IGSF21: variants seen among roughly 807,000 people sequenced by gnomAD.
IGSF21 encodes immunoglobin superfamily member 21.
Under a neutral mutation model 46.8 loss-of-function variants are expected in IGSF21, and 28 were observed. The ratio of observed to expected loss-of-function variants is 0.60; its 90% CI spans 0.44 to 0.82. The LOEUF (loss-of-function observed/expected upper bound fraction) is 0.82, where lower values mean the gene tolerates loss of function less well. Ranked by LOEUF, IGSF21 falls within the 40% of genes least tolerant of loss-of-function variation. IGSF21 has a pLI of 0.00. For synonymous variants in IGSF21, 284 were observed against 273.6 expected (o/e 1.04, Z -0.38); for missense variants, 624 against 665.5 (o/e 0.94, Z 0.69).
intron 3 of IGSF21, among the ~76,000 whole-genome samples, chr1:18,306,723 C>G (rs1291547932): frequency 6.6e-6 from 1 of 152,226 alleles, no homozygotes; most frequent in African/African-American, 2.4e-5. Flanking sequence ...TAGTCCTGAT[C>G]CTGTGACAGA....
At chr1:18,331,784 G>A (rs1473681153) in intron 3 of IGSF21, among the ~76,000 whole-genome samples, 1 of 152,066 alleles carries the variant, frequency 6.6e-6, no homozygotes, top group Non-Finnish European at 1.5e-5. Context: ...GCTGACTGTG[G>A]AGATGGAGGG....
At chr1:18,193,395 A>G (rs2086976767) in intron 1 of IGSF21, among the ~76,000 whole-genome samples, 1 of 150,448 alleles carries the variant, frequency 6.6e-6, no homozygotes, top group Non-Finnish European at 1.5e-5. Flanking sequence ...GAATTAATGG[A>G]ATATATATAT....
intron 4 of IGSF21, among the ~76,000 whole-genome samples, chr1:18,341,064 T>TC (rs2085833522): frequency 1.6e-5 from 1 of 61,656 alleles, no homozygotes; most frequent in Non-Finnish European, 4.0e-5. Flanking sequence ...TTCCTCTTCT[T>TC]CTTCTTCTTC....
At chr1:18,116,599 C>G (rs1002142655) in intron 1 of IGSF21, among the ~76,000 whole-genome samples, 3 of 152,148 alleles carry the variant, frequency 2.0e-5, no homozygotes, top group Admixed American at 2.0e-4. Context: ...CTGCTTTGGG[C>G]GAGAAGTCCA....
intron 1 of IGSF21, chr1:18,179,136 C>G (rs1380573986): frequency 6.6e-6 from 1 of 152,222 alleles, no homozygotes; most frequent in Non-Finnish European, 1.5e-5. Context: ...TACGGAGCCA[C>G]CGACCATTGG....
intron 1 of IGSF21, among the ~76,000 whole-genome samples, chr1:18,121,049 C>G (rs1343905895): frequency 6.6e-6 from 1 of 152,178 alleles, no homozygotes; most frequent in Non-Finnish European, 1.5e-5. Flanking sequence ...ACCATCCCCA[C>G]TGGCTCCTAT....
In IGSF21 at chr1:18,367,603, C is replaced by CTTTTTTTTT. The variant is rs35019096; in HGVS notation, c.1015+1920_1015+1928dup. Reference sequence around the variant, plus strand: ...GACCTTTGATATTCTCTCTCTCTCTCTTTTTTTTTTTTTTTTTTTTTTGAC... The same window carrying CTTTTTTTTT: ...GACCTTTGATATTCTCTCTCTCTCTCTTTTTTTTTTTTTTTTTTTTTTTTTTTTTTTGAC... On this transcript the variant is annotated intron_variant, in intron 6 of 9. Transcript: ENST00000251296. 1.9e-4 allele frequency among the ~76,000 whole-genome samples: 14 copies of CTTTTTTTTT among 73,964 alleles called. 1 individual carries two copies. The highest frequency in any genetic ancestry group is 6.0e-4 in the South Asian group (1 of 1,664). 48.5% of individuals were successfully genotyped at this position (73,964 alleles called of 152,430 possible).
At chr1:18,238,041 G>A (rs1410024313) in intron 2 of IGSF21, among the ~76,000 whole-genome samples, 1 of 152,094 alleles carries the variant, frequency 6.6e-6, no homozygotes, top group African/African-American at 2.4e-5. Flanking sequence ...TGCCTAATAT[G>A]TTGTGTGTGT....
chr1:18,335,402 A>G lies in IGSF21; in HGVS notation c.424+392A>G, dbSNP rs1342202532. On this transcript the variant is annotated intron_variant, in intron 4 of 9. Transcript: ENST00000251296. The surrounding 1 kb of genome is among the most constrained non-coding windows in gnomAD (Gnocchi z 4.8). ...GAGAGGGCATAGGATCTGGAGATGA[A>G]TTAGAAAGCGCTCATGGCTGGGATT... 3.3e-5 allele frequency among the ~76,000 whole-genome samples: 5 copies of G among 152,186 alleles called. No individual in the cohort carries two copies. Among genetic ancestry groups the G allele is most frequent in the African/African-American group, 4.8e-5 (2 of 41,446 alleles).
chr1:18,303,351 G>T (rs1458867294), intron 3 of IGSF21, among the ~76,000 whole-genome samples: 2 of 152,154 alleles, frequency 1.3e-5, no homozygotes, highest in Admixed American at 1.3e-4. Context: ...ACTTGCACAA[G>T]AGCTGAGAGC....
chr1:18,161,346 C>T (rs991588218), intron 1 of IGSF21, among the ~76,000 whole-genome samples: 5 of 152,056 alleles, frequency 3.3e-5, no homozygotes, highest in Non-Finnish European at 7.4e-5. Context: ...AGGTGGCTTG[C>T]GGGGATGGTG....
chr1:18,365,843 A>C lies in IGSF21; in HGVS notation c.1015+146A>C. On this transcript the variant is annotated intron_variant, in intron 6 of 9. Transcript: ENST00000251296. This position sits in a 1 kb window ranked among gnomAD's most constrained non-coding sequence, Gnocchi z 4.8. ...GAGTCAGGATGAGCACAAATGGTAG[A>C]GTCAGGTTCTTAGGGAGGTTTGCTG... is the stretch of plus-strand genomic sequence containing the variant. The C allele has an allele frequency of 1.4e-6, 1 of 693,754 alleles. No homozygotes were observed. Among genetic ancestry groups the C allele is most frequent in the East Asian group, 2.7e-5 (1 of 36,544 alleles). 43.0% of individuals were successfully genotyped at this position (693,754 alleles called of 1,614,324 possible). A position where few individuals can be genotyped will look rare whatever the true frequency, so the allele number is the denominator to read the frequency against.
At position 18,336,928 on chromosome 1, in the gene IGSF21, G is replaced by A. The variant is rs187862469; in HGVS notation, c.424+1918G>A. On this transcript the variant is annotated intron_variant, in intron 4 of 9. Coordinates refer to ENST00000251296, the MANE Select transcript of IGSF21 (RefSeq NM_032880.5). ...CTTGTGCAGGGAAACTCCCCTTTAT[G>A]AAATCATCAGATCTTGTGAGACTTA... Among the ~76,000 whole-genome samples, 724 of 152,310 alleles carry A rather than the reference G, an allele frequency of 4.8e-3. 4 individuals are homozygous for A. The highest frequency in any genetic ancestry group is 0.016 in the African/African-American group (653 of 41,568).
chr1:18,148,051 T>C (rs2086486360), intron 1 of IGSF21, among the ~76,000 whole-genome samples: 1 of 152,044 alleles, frequency 6.6e-6, no homozygotes, highest in Non-Finnish European at 1.5e-5. Flanking sequence ...GCCATGATTG[T>C]GAGGCCTCCC....
intron 2 of IGSF21, among the ~76,000 whole-genome samples, chr1:18,236,413 C>G (rs1054348456): frequency 2.0e-5 from 3 of 152,210 alleles, no homozygotes; most frequent in African/African-American, 7.2e-5. Context: ...ATAAATTACC[C>G]AGTCCCAGGT....
In IGSF21 at chr1:18,153,088, C is replaced by T. The variant is rs2086535418; in HGVS notation, c.70+44890C>T. Among the ~76,000 whole-genome samples, 3 of 152,222 alleles carry T rather than the reference C, an allele frequency of 2.0e-5. No individual in the cohort carries two copies. In the South Asian group the frequency reaches 6.2e-4, roughly 32 times the overall value. On this transcript the variant is annotated intron_variant, in intron 1 of 9. Transcript: ENST00000251296. ...AGGTTTGGGGGCTCAGTGTTCGAGC[C>T]CCCAAGGGCACTCAGATTCTGCCCA...
intron 4 of IGSF21, among the ~76,000 whole-genome samples, chr1:18,353,616 G>A (rs1037073536): frequency 6.6e-6 from 1 of 152,166 alleles, no homozygotes; most frequent in Non-Finnish European, 1.5e-5. Context: ...AGAGAGCTTA[G>A]CTTAGATTGA....
In IGSF21 at chr1:18,322,665, G is replaced by A. The variant is rs547883737; in HGVS notation, c.306-12227G>A. On this transcript the variant is annotated intron_variant, in intron 3 of 9. Transcript: ENST00000251296. This position sits in a 1 kb window ranked among gnomAD's most constrained non-coding sequence, Gnocchi z 4.3. Reference sequence around the variant, plus strand: ...CCCTGCCTGCCAGTCCTGGGATGGCGTCGGGTGAAGGTAGGAAAAACACTC... The same window carrying A: ...CCCTGCCTGCCAGTCCTGGGATGGCATCGGGTGAAGGTAGGAAAAACACTC... Among the ~76,000 whole-genome samples the A allele has an allele frequency of 1.4e-4, 22 of 152,210 alleles. No individual in the cohort carries two copies. Among genetic ancestry groups the A allele is most frequent in the Non-Finnish European group, 2.5e-4 (17 of 68,036 alleles).
intron 2 of IGSF21, among the ~76,000 whole-genome samples, chr1:18,283,684 G>A (rs1192470659): frequency 2.0e-5 from 3 of 151,902 alleles, no homozygotes; most frequent in Non-Finnish European, 4.4e-5. Context: ...CCCCTGCCCT[G>A]GTTTTCCTCT....
Sources: allele counts gnomAD v4.1 joint callset (sites outside exome capture counted in the v4.1 genomes callset), GRCh38; gene constraint gnomAD v4.1.1; non-coding constraint Gnocchi (gnomAD v3.1); transcripts MANE v1.5; gene names NCBI Gene and HGNC (gene_info 2026-07-23, HGNC 2026-07-21).